LRIF1: variants seen among roughly 807,000 people sequenced by gnomAD.
LRIF1 encodes the protein ligand-dependent nuclear receptor-interacting factor 1.
In LRIF1, 32 loss-of-function variants were observed where a neutral mutation model predicts 52.7. That is an observed-to-expected ratio of 0.61 (90% confidence interval 0.46 to 0.82). The LOEUF is 0.82. Among genes scored for constraint, LRIF1 ranks in the 40% least tolerant of loss-of-function variants. LRIF1 has a pLI of 0.00. For missense variants in LRIF1, 887 were observed against 892.0 expected (o/e 0.99, Z 0.07); for synonymous variants, 323 against 317.4 (o/e 1.02, Z -0.19).
At chr1:110,943,993 T>A (rs1019212444), downstream of LRIF1, 2 of 152,118 alleles carry the variant, frequency 1.3e-5, no homozygotes, top group Non-Finnish European at 2.9e-5. Context: ...TTCCATGAAA[T>A]GAGGAAACAT....
the LRIF1 span, chr1:110,941,430 A>G: frequency 6.6e-6 from 1 of 152,034 alleles, no homozygotes. Context: ...CTTATTATCT[A>G]CAATATATGT....
At chr1:110,938,167 C>G in the LRIF1 span, 1 of 152,216 alleles carries the variant, frequency 6.6e-6, no homozygotes, top group East Asian at 1.9e-4. Flanking sequence ...TCAAACTATT[C>G]TGAAAAAATG....
At chr1:110,887,929 C>T in the LRIF1 span, among the ~76,000 whole-genome samples, 6 of 152,190 alleles carry the variant, frequency 3.9e-5, no homozygotes, top group Admixed American at 1.3e-4. Context: ...TTAAATCAAA[C>T]ATCTCGAAAT....
chr1:110,922,176 G>C, the LRIF1 span, among the ~76,000 whole-genome samples: 1 of 152,222 alleles, frequency 6.6e-6, no homozygotes, highest in Non-Finnish European at 1.5e-5. Flanking sequence ...TTTTATGGCT[G>C]CATAGTATTC....
chr1:110,913,277 G>T, the LRIF1 span, among the ~76,000 whole-genome samples: 1 of 152,188 alleles, frequency 6.6e-6, no homozygotes, highest in South Asian at 2.1e-4. Flanking sequence ...AAGATTTCAT[G>T]ATAAAGTGCC....
At chr1:110,897,942 G>C in the LRIF1 span, 1 of 1,068,088 alleles carries the variant, frequency 9.4e-7, no homozygotes, top group Non-Finnish European at 1.4e-6. Flanking sequence ...AGTTAAGTCA[G>C]GTAAGATTTC....
chr1:110,939,475 G>GA, the LRIF1 span: 8,433 of 144,472 alleles, frequency 0.058, 280 homozygotes, highest in East Asian at 0.14. Flanking sequence ...CACAGAAATA[G>GA]AAAAAAAAAC....
chr1:110,963,449 A>T, intron 1 of LRIF1, 172 bp downstream of exon 1: 1 of 495,138 alleles, frequency 2.0e-6, no homozygotes, highest in South Asian at 3.5e-5. Context: ...TCCCAGAGGA[A>T]AGCGCTCTAT....
chr1:110,952,008 A>T lies in LRIF1; in HGVS notation c.876T>A (p.Ile292=), dbSNP rs1658500655. The T allele has an allele frequency of 6.2e-7, 1 of 1,614,190 alleles. No individual in the cohort carries two copies. The highest frequency in any genetic ancestry group is 8.5e-7 in the Non-Finnish European group (1 of 1,180,028). The change falls in exon 2 of 4, where the codon ATT becomes ATA. Residue 292 remains isoleucine (I), a synonymous_variant. Coordinates refer to ENST00000369763, the MANE Select transcript of LRIF1 (RefSeq NM_018372.4). ...QHSQAAPVKW[I]FQDNLQPFTP... ...TAAAAGGCTGTAGATTATCTTGGAA[A>T]ATCCATTTCACTGGAGCAGCTTGAG...
chr1:110,890,891 G>A, the LRIF1 span, among the ~76,000 whole-genome samples: 1 of 152,212 alleles, frequency 6.6e-6, no homozygotes. Context: ...AATAAATGAG[G>A]CGTGGATATG....
Position 110,951,541 on chromosome 1 carries a change from T to A in LRIF1, c.1343A>T (p.Glu448Val), listed in dbSNP as rs766131799. ...ATTTGTGGTAGAAGGAGATGGTTTC[T>A]CCACTTTATTCTTCTCTGCCCTTAG... ...ANLRAEKNKV[E>V]KPSPSTTNPH... The change falls in exon 2 of 4, where the codon GAG (glutamate) becomes GTG (valine). Residue 448 changes from glutamate to valine, a missense_variant. Coordinates refer to ENST00000369763, the MANE Select transcript of LRIF1 (RefSeq NM_018372.4). 3 of 1,614,180 alleles carry A rather than the reference T, an allele frequency of 1.9e-6. No homozygotes were observed. Among genetic ancestry groups the A allele is most frequent in the Non-Finnish European group, 2.5e-6 (3 of 1,180,020 alleles).
the LRIF1 span, among the ~76,000 whole-genome samples, chr1:110,878,914 G>A: frequency 6.6e-6 from 1 of 152,122 alleles, no homozygotes; most frequent in African/African-American, 2.4e-5. Context: ...TACAGAAACT[G>A]TACTTGCATT....
chr1:110,888,453 C>T, the LRIF1 span, among the ~76,000 whole-genome samples: 1 of 152,174 alleles, frequency 6.6e-6, no homozygotes, highest in African/African-American at 2.4e-5. Flanking sequence ...AGGGCTCACA[C>T]CATTTATTTC....
At chr1:110,886,767 T>C in the LRIF1 span, among the ~76,000 whole-genome samples, 1 of 150,300 alleles carries the variant, frequency 6.7e-6, no homozygotes, top group African/African-American at 2.4e-5. Context: ...ATTGCTTGAA[T>C]CCAGGAGGTG....
chr1:110,954,858 GCCAACT>G (rs932551722), intron 1 of LRIF1, among the ~76,000 whole-genome samples: 1 of 152,104 alleles, frequency 6.6e-6, no homozygotes, highest in Non-Finnish European at 1.5e-5. Flanking sequence ...AGTCTTCTTT[GCCAACT>G]CATACTTTTG....
In LRIF1 at chr1:110,954,081, C is replaced by T. The variant is rs138193303; in HGVS notation, c.69-1266G>A. ...ACAAAAGTTCAAGGGCAAATAATAA[C>T]GATAATAATTAGGATTCTCAAAAGC... is the stretch of plus-strand genomic sequence containing the variant. On this transcript the variant is annotated intron_variant, in intron 1 of 3. Transcript: ENST00000369763. 3.2e-3 allele frequency among the ~76,000 whole-genome samples: 494 copies of T among 152,030 alleles called. 1 individual carries two copies. The highest frequency in any genetic ancestry group is 5.6e-3 in the Non-Finnish European group (383 of 67,976).
At chr1:110,956,303 TAA>T (rs1394458309) in intron 1 of LRIF1, among the ~76,000 whole-genome samples, 2 of 152,060 alleles carry the variant, frequency 1.3e-5, no homozygotes, top group African/African-American at 4.8e-5. Flanking sequence ...CAAGCACAGA[TAA>T]AGAGAAAGCA....
chr1:110,926,267 C>T, the LRIF1 span, among the ~76,000 whole-genome samples: 3 of 151,738 alleles, frequency 2.0e-5, no homozygotes, highest in Non-Finnish European at 4.4e-5. Flanking sequence ...GTAATCATGA[C>T]AACACAATAT....
At chr1:110,941,104 C>T in the LRIF1 span, 1 of 151,880 alleles carries the variant, frequency 6.6e-6, no homozygotes, top group Non-Finnish European at 1.5e-5. Flanking sequence ...AATATATACA[C>T]CTACTATGTA....
Sources: gnomAD v4.1 joint callset for allele counts (sites outside exome capture counted in the v4.1 genomes callset) on GRCh38, gnomAD v4.1.1 for gene constraint, MANE v1.5 for transcripts, NCBI Gene and HGNC (gene_info 2026-07-23, HGNC 2026-07-21) for gene names.